GNB1: variants seen among roughly 807,000 people sequenced by gnomAD.
GNB1 encodes the protein G protein subunit beta 1, also known as guanine nucleotide-binding protein G(I)/G(S)/G(T) subunit beta-1.
In GNB1, 2 loss-of-function variants were observed where a neutral mutation model predicts 42.9. The ratio of observed to expected loss-of-function variants is 0.05; its 90% CI spans 0.02 to 0.15. The LOEUF is 0.15. Among genes scored for constraint, GNB1 ranks in the 10% least tolerant of loss-of-function variants. The pLI, the probability that GNB1 is intolerant of heterozygous loss-of-function variation, is 1.00. For synonymous variants in GNB1, 183 were observed against 174.7 expected (o/e 1.05, Z -0.38); for missense variants, 193 against 462.2 (o/e 0.42, Z 5.34).
rs184472768 is a variant in GNB1, at chr1:1,804,621, T to C, written c.268-40A>G. 1.3e-5 allele frequency: 19 copies of C among 1,480,712 alleles called. No individual in the cohort carries two copies. In the African/African-American group the frequency reaches 1.7e-4, roughly 13 times the overall value. 91.7% of individuals were successfully genotyped at this position (1,480,712 alleles called of 1,614,324 possible). ...ACAGATGATGCAAACAACTTTATGTTCAAAAACAACACTGACACCAGGATT... is the reference window on the plus strand; with the variant it reads ...ACAGATGATGCAAACAACTTTATGTCCAAAAACAACACTGACACCAGGATT... On this transcript the variant is annotated intron_variant, in intron 6 of 11. Transcript: ENST00000378609.
intron 1 of GNB1, among the ~76,000 whole-genome samples, chr1:1,852,226 C>G (rs1557928744): frequency 6.6e-6 from 1 of 151,732 alleles, no homozygotes; most frequent in Non-Finnish European, 1.5e-5. Flanking sequence ...ATAGCAAGAT[C>G]CTGCCTCTCA....
At chr1:1,801,790 T>C (rs983565157) in intron 7 of GNB1, among the ~76,000 whole-genome samples, 2 of 152,104 alleles carry the variant, frequency 1.3e-5, no homozygotes, top group African/African-American at 4.8e-5. Flanking sequence ...ATAAGAAATA[T>C]AAATGTGCAA....
At chr1:1,801,929 T>A (rs1271653766) in intron 7 of GNB1, among the ~76,000 whole-genome samples, 1 of 151,936 alleles carries the variant, frequency 6.6e-6, no homozygotes, top group Non-Finnish European at 1.5e-5. Context: ...TACATTAGTA[T>A]CAGAAAAAGC....
At chr1:1,866,322 C>T (rs2101715393) in intron 1 of GNB1, among the ~76,000 whole-genome samples, 1 of 152,360 alleles carries the variant, frequency 6.6e-6, no homozygotes, top group Middle Eastern at 3.4e-3. Flanking sequence ...GTCTTCCAGA[C>T]TTTGATACAT....
At chr1:1,811,098 T>G (rs1399099141) in intron 5 of GNB1, among the ~76,000 whole-genome samples, 1 of 149,420 alleles carries the variant, frequency 6.7e-6, no homozygotes, top group African/African-American at 2.5e-5. Context: ...TTTTTTTTCT[T>G]TTTTTGAGAT....
intron 5 of GNB1, among the ~76,000 whole-genome samples, chr1:1,813,596 T>A (rs569210187): frequency 6.6e-6 from 1 of 152,154 alleles, no homozygotes; most frequent in South Asian, 2.1e-4. Flanking sequence ...GTTCAAGTGA[T>A]CCTCCCACCT....
At chr1:1,813,027 A>G (rs1646803657) in intron 5 of GNB1, among the ~76,000 whole-genome samples, 1 of 152,186 alleles carries the variant, frequency 6.6e-6, no homozygotes, top group Non-Finnish European at 1.5e-5. Context: ...CTACTCCACT[A>G]ACCTGCCTAA....
intron 5 of GNB1, among the ~76,000 whole-genome samples, chr1:1,812,019 T>C (rs1646786431): frequency 6.6e-6 from 1 of 151,052 alleles, no homozygotes; most frequent in Non-Finnish European, 1.5e-5. Context: ...TGAGCCGAGA[T>C]CGCACCACTG....
intron 1 of GNB1, among the ~76,000 whole-genome samples, chr1:1,885,504 G>A (rs2101928459): frequency 6.8e-6 from 1 of 147,108 alleles, no homozygotes; most frequent in Non-Finnish European, 1.5e-5. Flanking sequence ...GTCTTTCTCA[G>A]AATTCTAATT....
intron 7 of GNB1, among the ~76,000 whole-genome samples, chr1:1,803,122 T>C (rs1646648004): frequency 6.6e-6 from 1 of 152,202 alleles, no homozygotes; most frequent in African/African-American, 2.4e-5. Context: ...CGGAGTGTTA[T>C]CAAAAAGTAC....
chr1:1,869,547 G>A (rs1186349829), intron 1 of GNB1, among the ~76,000 whole-genome samples: 3 of 152,116 alleles, frequency 2.0e-5, no homozygotes, highest in African/African-American at 7.2e-5. Flanking sequence ...CTCCTCCCGT[G>A]AATCCCAACA....
At chr1:1,847,937 A>C (rs1392606422) in intron 1 of GNB1, among the ~76,000 whole-genome samples, 1 of 152,164 alleles carries the variant, frequency 6.6e-6, no homozygotes, top group Non-Finnish European at 1.5e-5. Flanking sequence ...GCAGTGCCAA[A>C]AACACGTGGA....
intron 1 of GNB1, among the ~76,000 whole-genome samples, chr1:1,863,234 A>C (rs894388770): frequency 6.6e-6 from 1 of 152,218 alleles, no homozygotes; most frequent in Non-Finnish European, 1.5e-5. Flanking sequence ...GCAAGTTGTG[A>C]GGTGGTGCTG....
chr1:1,873,245 G>A (rs1649347433), intron 1 of GNB1, among the ~76,000 whole-genome samples: 1 of 152,214 alleles, frequency 6.6e-6, no homozygotes. Flanking sequence ...ATGCAACAGA[G>A]GTGACACTGT....
chr1:1,866,648 A>AAAAAT (rs763468475), intron 1 of GNB1, among the ~76,000 whole-genome samples: 129 of 151,514 alleles, frequency 8.5e-4, no homozygotes, highest in Middle Eastern at 3.4e-3. Context: ...AAAAAAAAAA[A>AAAAAT]ATCGCTAAAA....
At chr1:1,877,398 T>C (rs1452474153) in intron 1 of GNB1, among the ~76,000 whole-genome samples, 2 of 151,258 alleles carry the variant, frequency 1.3e-5, no homozygotes, top group African/African-American at 2.4e-5. Context: ...GCATGAGAGA[T>C]ACAAAACACT....
chr1:1,857,662 G>C (rs1045162848), intron 1 of GNB1, among the ~76,000 whole-genome samples: 2 of 152,102 alleles, frequency 1.3e-5, no homozygotes, highest in Admixed American at 6.6e-5. Context: ...CTCTACATGT[G>C]CACTTATAGC....
chr1:1,821,164 A>G (rs562865587), intron 3 of GNB1, among the ~76,000 whole-genome samples: 5 of 152,234 alleles, frequency 3.3e-5, no homozygotes, highest in African/African-American at 1.2e-4. Context: ...GGCCCTGCTC[A>G]GCATGGAGTC....
At chr1:1,822,028 G>A (rs577098126) in intron 3 of GNB1, among the ~76,000 whole-genome samples, 31 of 152,122 alleles carry the variant, frequency 2.0e-4, no homozygotes, top group African/African-American at 6.7e-4. Context: ...CCAGCTACTC[G>A]GGAGGCTGCA....
Sources: gnomAD v4.1 joint callset for allele counts (sites outside exome capture counted in the v4.1 genomes callset) on GRCh38, gnomAD v4.1.1 for gene constraint, MANE v1.5 for transcripts, NCBI Gene and HGNC (gene_info 2026-07-23, HGNC 2026-07-21) for gene names.